The following ADAMTSL1 variants were observed in gnomAD, a reference collection of about 807,000 sequenced individuals.
ADAMTSL1 encodes ADAMTS-like protein 1.
ADAMTSL1 carries 126 observed loss-of-function variants against 201.8 expected under a neutral mutation model. That is an observed-to-expected ratio of 0.62 (90% CI 0.54 to 0.72). The LOEUF (loss-of-function observed/expected upper bound fraction) is 0.72, where lower values mean the gene tolerates loss of function less well. Ranked by LOEUF, ADAMTSL1 falls within the 30% of genes least tolerant of loss-of-function variation. The probability of loss-of-function intolerance (pLI) is 0.00; values close to 1 mark genes in which losing one functional copy is unlikely to be tolerated. For synonymous variants in ADAMTSL1, 1,121 were observed against 903.4 expected, an observed-to-expected ratio of 1.24 and a Z score of -4.32; for missense variants, 2,679 against 2,277.8, an observed-to-expected ratio of 1.18 and a Z score of -3.59.
chr9:18,235,562 C>T (rs1262021943), intron 2 of ADAMTSL1, among the ~76,000 whole-genome samples: 1 of 152,206 alleles, frequency 6.6e-6, no homozygotes, highest in African/African-American at 2.4e-5. Flanking sequence ...TAATAGAATA[C>T]TGAGAATTTG....
chr9:18,530,108 G>A (rs984518259), intron 2 of ADAMTSL1, among the ~76,000 whole-genome samples: 1 of 152,140 alleles, frequency 6.6e-6, no homozygotes, highest in East Asian at 1.9e-4. Context: ...TTAGGAAGCA[G>A]TATCTCTGTA....
chr9:17,958,990 A>G lies in ADAMTSL1; in HGVS notation c.87+52068A>G, dbSNP rs190493622. ...TTTCCAGATTTTAGAGGCTTTCTGAATCAAAGTCTTTTCTAATATTGTCCT... is the reference window on the plus strand; with the variant it reads ...TTTCCAGATTTTAGAGGCTTTCTGAGTCAAAGTCTTTTCTAATATTGTCCT... On this transcript the variant is annotated intron_variant, in intron 1 of 29. Coordinates refer to the ADAMTSL1 transcript ENST00000680146. Among the ~76,000 whole-genome samples, 12 of 152,276 alleles carry G rather than the reference A, an allele frequency of 7.9e-5. No individual in the cohort carries two copies. The East Asian group carries it at 2.3e-3, about 29-fold the overall frequency.
At position 18,178,034 on chromosome 9, in the gene ADAMTSL1, G is replaced by A. The variant is rs568710544; in HGVS notation, c.207+14053G>A. On this transcript the variant is annotated intron_variant, in intron 2 of 29. Coordinates refer to the ADAMTSL1 transcript ENST00000680146. Reference sequence around the variant, plus strand: ...GTCGGGAAGAGGAGCCCAGATGGCCGAATAGGAACAGCTCCAGTCTACAGC... The same window carrying A: ...GTCGGGAAGAGGAGCCCAGATGGCCAAATAGGAACAGCTCCAGTCTACAGC... Among the ~76,000 whole-genome samples, 34 of 152,328 alleles carry A rather than the reference G, an allele frequency of 2.2e-4. 1 individual carries two copies. The South Asian group carries it at 6.0e-3, about 27-fold the overall frequency.
chr9:17,935,187 C>G (rs1345555860), intron 1 of ADAMTSL1, among the ~76,000 whole-genome samples: 1 of 152,044 alleles, frequency 6.6e-6, no homozygotes, highest in East Asian at 1.9e-4. Flanking sequence ...TGACTTACCA[C>G]TTTAACACAC....
intron 1 of ADAMTSL1, among the ~76,000 whole-genome samples, chr9:18,498,523 C>T (rs1053796126): frequency 3.3e-5 from 5 of 151,914 alleles, no homozygotes; most frequent in South Asian, 2.1e-4. Flanking sequence ...TTTGTAGTAA[C>T]GATGGGGTTT....
Position 17,960,496 on chromosome 9 carries a change from C to A in ADAMTSL1, c.87+53574C>A, listed in dbSNP as rs567499868. Among the ~76,000 whole-genome samples, 18 of 152,286 alleles carry A rather than the reference C, an allele frequency of 1.2e-4. No individual in the cohort carries two copies. The East Asian group carries it at 3.5e-3, about 29-fold the overall frequency. ...GCCTTAGAGAAGGACTCAAACTCCA[C>A]CATTGACTGTGTGATCAAACTATTG... is the stretch of plus-strand genomic sequence containing the variant. On this transcript the variant is annotated intron_variant, in intron 1 of 29. Coordinates refer to the ADAMTSL1 transcript ENST00000680146.
intron 1 of ADAMTSL1, among the ~76,000 whole-genome samples, chr9:18,057,292 C>G (rs1403995677): frequency 6.6e-6 from 1 of 152,084 alleles, no homozygotes; most frequent in East Asian, 1.9e-4. Flanking sequence ...AATGAAAAAT[C>G]CTCTAGAAAT....
At chr9:18,043,671 A>G (rs1360742881) in intron 1 of ADAMTSL1, among the ~76,000 whole-genome samples, 1 of 152,158 alleles carries the variant, frequency 6.6e-6, no homozygotes, top group African/African-American at 2.4e-5. Context: ...TGGCTTTTAT[A>G]ATCACATGAA....
chr9:18,075,494 T>G (rs1263835055), intron 1 of ADAMTSL1, among the ~76,000 whole-genome samples: 1 of 151,058 alleles, frequency 6.6e-6, no homozygotes, highest in African/African-American at 2.4e-5. Flanking sequence ...ATGGGGTTAA[T>G]GTGTGTAGTT....
chr9:18,461,840 C>G (rs577671663), intron 2 of ADAMTSL1, among the ~76,000 whole-genome samples: 4 of 152,148 alleles, frequency 2.6e-5, no homozygotes, highest in Non-Finnish European at 4.4e-5. Flanking sequence ...TATCCTTTGA[C>G]ATACATGGGG....
chr9:17,978,262 G>A (rs533771991), intron 1 of ADAMTSL1, among the ~76,000 whole-genome samples: 11 of 151,920 alleles, frequency 7.2e-5, no homozygotes, highest in Non-Finnish European at 1.3e-4. Flanking sequence ...ATGTCTTTTG[G>A]TTGGAAAATT....
At chr9:18,898,835 G>A (rs535932207) in intron 26 of ADAMTSL1, among the ~76,000 whole-genome samples, 49 of 152,268 alleles carry the variant, frequency 3.2e-4, no homozygotes, top group Middle Eastern at 3.4e-3. Context: ...CAAATCAGCA[G>A]TTGCTATTAT....
Position 18,325,789 on chromosome 9 carries a change from G to A in ADAMTSL1, c.207+161808G>A, listed in dbSNP as rs1473237035. 2.0e-5 allele frequency among the ~76,000 whole-genome samples: 3 copies of A among 151,386 alleles called. No homozygotes were observed. In the East Asian group the frequency reaches 5.8e-4, roughly 29 times the overall value. Reference sequence around the variant, plus strand: ...AGAGTTTTGCTCTTTGGCTTAGGCTGGAATGAAGTGATGCAATCTCTGCTC... The same window carrying A: ...AGAGTTTTGCTCTTTGGCTTAGGCTAGAATGAAGTGATGCAATCTCTGCTC... On this transcript the variant is annotated intron_variant, in intron 2 of 29. Coordinates refer to the ADAMTSL1 transcript ENST00000680146.
chr9:18,537,681 G>A (rs879741576), intron 3 of ADAMTSL1, among the ~76,000 whole-genome samples: 20 of 152,086 alleles, frequency 1.3e-4, no homozygotes, highest in Admixed American at 6.6e-4. Flanking sequence ...TTTGAGACTA[G>A]CCTGAGAAAC....
chr9:18,652,401 C>T (rs540085991), intron 7 of ADAMTSL1, among the ~76,000 whole-genome samples: 1 of 150,634 alleles, frequency 6.6e-6, no homozygotes, highest in Non-Finnish European at 1.5e-5. Flanking sequence ...AAAAGAAAGC[C>T]TTTGTGATAC....
chr9:18,695,057 C>T (rs1341552357), intron 13 of ADAMTSL1, among the ~76,000 whole-genome samples: 1 of 152,230 alleles, frequency 6.6e-6, no homozygotes, highest in African/African-American at 2.4e-5. Context: ...GCCCTTTTAG[C>T]CATGGCTGGA....
At chr9:18,634,701 G>C (rs1185499131) in intron 5 of ADAMTSL1, among the ~76,000 whole-genome samples, 1 of 150,934 alleles carries the variant, frequency 6.6e-6, no homozygotes, top group Admixed American at 6.6e-5. Flanking sequence ...AGTCAGGCGT[G>C]ATGGTGGGCG....
intron 8 of ADAMTSL1, among the ~76,000 whole-genome samples, chr9:18,659,107 C>T (rs1027439695): frequency 6.6e-6 from 1 of 152,184 alleles, no homozygotes; most frequent in African/African-American, 2.4e-5. Flanking sequence ...AATTCTAGCT[C>T]TAGTTTCATA....
rs878865297 is a variant in ADAMTSL1, at chr9:18,887,085, A to G, written c.4250-746A>G. ...ACACTTCCAAAGAAATTCTCTGTGG[A>G]AGGTAAGTTGCTGGGGCACAACAGC... On this transcript the variant is annotated intron_variant, in intron 23 of 28. Coordinates refer to ENST00000380548, the MANE Select transcript of ADAMTSL1 (RefSeq NM_001040272.6). Among the ~76,000 whole-genome samples, 3 of 152,352 alleles carry G rather than the reference A, an allele frequency of 2.0e-5. No homozygotes were observed. In the South Asian group the frequency reaches 6.2e-4, roughly 32 times the overall value.
Sources: gnomAD v4.1 joint callset for allele counts (sites outside exome capture counted in the v4.1 genomes callset) on GRCh38, gnomAD v4.1.1 for gene constraint, MANE v1.5 for transcripts, NCBI Gene and HGNC (gene_info 2026-07-23, HGNC 2026-07-21) for gene names.